The following FNIP1 variants were observed in gnomAD, a reference collection of about 807,000 sequenced individuals.
FNIP1 encodes the protein folliculin-interacting protein 1.
Under a neutral mutation model 124.5 loss-of-function variants are expected in FNIP1, and 40 were observed. The ratio of observed to expected loss-of-function variants is 0.32; its 90% confidence interval spans 0.25 to 0.42. The LOEUF (loss-of-function observed/expected upper bound fraction) is 0.42. Ranked by LOEUF, FNIP1 falls within the 10% of genes least tolerant of loss-of-function variation. FNIP1 has a pLI of 1.00. For synonymous variants in FNIP1, 472 were observed against 470.6 expected, an observed-to-expected ratio of 1.00 and a Z score of -0.04; for missense variants, 1,176 against 1,403.7, an observed-to-expected ratio of 0.84 and a Z score of 2.59.
At chr5:131,661,220 TTGTG>T (rs370206265) in intron 15 of FNIP1, among the ~76,000 whole-genome samples, 16 of 147,736 alleles carry the variant, frequency 1.1e-4, no homozygotes, top group East Asian at 8.0e-4. Context: ...TGTCTTTGTT[TTGTG>T]TGTGTGTGTG....
chr5:131,761,059 T>C lies in FNIP1; in HGVS notation c.93-16369A>G, dbSNP rs1057126501. ...CAATTGAAGAAATATTTTCTGAACA[T>C]TGGTAAAGTTTTCTGAGTTTTTAAA... On this transcript the variant is annotated intron_variant, in intron 1 of 17. Coordinates refer to ENST00000510461, the MANE Select transcript of FNIP1 (RefSeq NM_133372.3). Among the ~76,000 whole-genome samples the C allele has an allele frequency of 9.2e-5, 14 of 152,356 alleles. No individual in the cohort carries two copies. The South Asian group carries it at 2.1e-3, about 23-fold the overall frequency.
Position 131,733,378 on chromosome 5 carries a change from G to A in FNIP1, c.220-2340C>T, listed in dbSNP as rs557257271. ...TTCCAACACTATGTTGAATAGGAGT[G>A]GTGAGAGAGGGCATCCTTGTTTTGT... On this transcript the variant is annotated intron_variant, in intron 2 of 17. Coordinates refer to ENST00000510461, the MANE Select transcript of FNIP1 (RefSeq NM_133372.3). Among the ~76,000 whole-genome samples, 9 of 152,284 alleles carry A rather than the reference G, an allele frequency of 5.9e-5. No individual in the cohort carries two copies. The East Asian group carries it at 1.7e-3, about 29-fold the overall frequency.
intron 1 of FNIP1, among the ~76,000 whole-genome samples, chr5:131,748,641 G>T (rs1391725920): frequency 1.4e-5 from 2 of 139,414 alleles, no homozygotes; most frequent in Admixed American, 1.6e-4. Context: ...AGGTTGCAGT[G>T]AGCCAAGATT....
At chr5:131,686,002 A>G (rs1768262183) in intron 11 of FNIP1, among the ~76,000 whole-genome samples, 1 of 152,182 alleles carries the variant, frequency 6.6e-6, no homozygotes, top group Non-Finnish European at 1.5e-5. Flanking sequence ...CACTGGTGGC[A>G]CATGCACTGG....
chr5:131,746,519 A>G (rs1254595414), intron 1 of FNIP1, among the ~76,000 whole-genome samples: 1 of 152,216 alleles, frequency 6.6e-6, no homozygotes, highest in Non-Finnish European at 1.5e-5. Context: ...AACTGAGAAC[A>G]TGCGGTATCT....
intron 9 of FNIP1, 143 bp downstream of exon 9, chr5:131,706,268 A>G: frequency 2.2e-6 from 2 of 922,836 alleles, no homozygotes; most frequent in Non-Finnish European, 3.1e-6. Context: ...ACTTACCACA[A>G]TTTTAAAAAT....
chr5:131,721,014 G>C (rs1769641309), intron 3 of FNIP1, among the ~76,000 whole-genome samples: 1 of 152,190 alleles, frequency 6.6e-6, no homozygotes, highest in Non-Finnish European at 1.5e-5. Flanking sequence ...GGATCTCAAA[G>C]AGATGTTAGC....
At chr5:131,673,864 T>C (rs1767837466) in intron 13 of FNIP1, among the ~76,000 whole-genome samples, 1 of 151,814 alleles carries the variant, frequency 6.6e-6, no homozygotes, top group Non-Finnish European at 1.5e-5. Flanking sequence ...GGTAAAACCC[T>C]GTACCTACTA....
chr5:131,659,196 C>G (rs1166830094), intron 15 of FNIP1, among the ~76,000 whole-genome samples: 1 of 152,152 alleles, frequency 6.6e-6, no homozygotes, highest in South Asian at 2.1e-4. Context: ...TTCGCAATGC[C>G]AGGGTACATG....
In FNIP1 at chr5:131,704,276, A is replaced by C; in HGVS notation, c.915-10T>G. 1 of 1,543,250 alleles carries C rather than the reference A, an allele frequency of 6.5e-7. No individual in the cohort carries two copies. Among genetic ancestry groups the C allele is most frequent in the Admixed American group, 2.1e-5 (1 of 47,594 alleles). Reference sequence around the variant, plus strand: ...GCTTTCTTCTATAGACCTTAAAAATAAATGATTTTTTATTAATTTACAAAA... The same window carrying C: ...GCTTTCTTCTATAGACCTTAAAAATCAATGATTTTTTATTAATTTACAAAA... On this transcript the variant is annotated splice_polypyrimidine_tract_variant and intron_variant, in intron 9 of 17. Coordinates refer to ENST00000510461, the MANE Select transcript of FNIP1 (RefSeq NM_133372.3).
chr5:131,676,964 T>C (rs949415991), intron 13 of FNIP1, among the ~76,000 whole-genome samples: 2 of 152,168 alleles, frequency 1.3e-5, no homozygotes, highest in African/African-American at 4.8e-5. Flanking sequence ...CAAAATGTTC[T>C]CATCTTACTC....
chr5:131,772,527 A>G (rs991000215), intron 1 of FNIP1, among the ~76,000 whole-genome samples: 11 of 152,088 alleles, frequency 7.2e-5, no homozygotes, highest in African/African-American at 2.7e-4. Context: ...TGTTACCTGA[A>G]TCTCAGCCTA....
At chr5:131,765,592 T>C (rs968045051) in intron 1 of FNIP1, among the ~76,000 whole-genome samples, 144 of 152,366 alleles carry the variant, frequency 9.5e-4, no homozygotes, top group African/African-American at 3.3e-3. Context: ...TTAAAGAATA[T>C]TAAACCCTTT....
At chr5:131,762,874 T>C (rs1262513453) in intron 1 of FNIP1, among the ~76,000 whole-genome samples, 2 of 152,128 alleles carry the variant, frequency 1.3e-5, no homozygotes, top group African/African-American at 4.8e-5. Context: ...TATCCTGTCA[T>C]TTGCAACAAC....
intron 3 of FNIP1, among the ~76,000 whole-genome samples, chr5:131,722,590 A>G (rs1769704215): frequency 6.6e-6 from 1 of 152,190 alleles, no homozygotes; most frequent in South Asian, 2.1e-4. Context: ...TCCTATTATT[A>G]GGGTTAAGAT....
At chr5:131,716,480 T>A in intron 6 of FNIP1, 85 bp downstream of exon 6, 2 of 812,148 alleles carry the variant, frequency 2.5e-6, no homozygotes, top group Non-Finnish European at 3.9e-6. Flanking sequence ...TCATGACAGA[T>A]CTGCATTATT....
intron 15 of FNIP1, among the ~76,000 whole-genome samples, chr5:131,654,634 G>A (rs1370984698): frequency 2.0e-5 from 3 of 152,230 alleles, no homozygotes; most frequent in African/African-American, 4.8e-5. Flanking sequence ...GTGCTGGGAA[G>A]TAGAGGAGGG....
chr5:131,722,385 C>T (rs779477185), intron 3 of FNIP1, among the ~76,000 whole-genome samples: 2 of 152,120 alleles, frequency 1.3e-5, no homozygotes, highest in African/African-American at 2.4e-5. Flanking sequence ...GTCCCAATAC[C>T]ATTCTTAACT....
intron 1 of FNIP1, among the ~76,000 whole-genome samples, chr5:131,778,389 GAA>G (rs1771881974): frequency 1.3e-5 from 2 of 151,972 alleles, no homozygotes; most frequent in African/African-American, 4.8e-5. Flanking sequence ...AAAAACACAT[GAA>G]AAAATGCTCA....
Sources: allele counts gnomAD v4.1 joint callset (sites outside exome capture counted in the v4.1 genomes callset), GRCh38; gene constraint gnomAD v4.1.1; transcripts MANE v1.5; gene names NCBI Gene and HGNC (gene_info 2026-07-23, HGNC 2026-07-21).